USP48: variants seen among roughly 807,000 people sequenced by gnomAD.
The protein encoded by USP48 is ubiquitin carboxyl-terminal hydrolase 48.
In USP48, 43 loss-of-function variants were observed where a neutral mutation model predicts 150.7. That is an observed-to-expected ratio of 0.29 (90% CI 0.22 to 0.37). USP48 has a LOEUF of 0.37. USP48 is among the 10% of genes least tolerant of loss of function. The pLI is 1.00. For synonymous variants in USP48, 396 were observed against 425.9 expected (o/e 0.93, Z 0.86); for missense variants, 813 against 1,249.6 (o/e 0.65, Z 5.27).
At chr1:21,750,080 G>A (rs1275912468) in intron 6 of USP48, among the ~76,000 whole-genome samples, 1 of 152,048 alleles carries the variant, frequency 6.6e-6, no homozygotes, top group Non-Finnish European at 1.5e-5. Context: ...CCACTCCTAC[G>A]CATATGACCC....
chr1:21,682,297 C>A (rs1038137704), intron 25 of USP48, among the ~76,000 whole-genome samples: 5 of 152,246 alleles, frequency 3.3e-5, no homozygotes, highest in Admixed American at 1.3e-4. Flanking sequence ...GGCTTTCCCT[C>A]CTACTTCTAG....
chr1:21,717,373 C>T lies in USP48; in HGVS notation c.1895-1916G>A, dbSNP rs568503394. On this transcript the variant is annotated intron_variant, in intron 14 of 26. Transcript: ENST00000308271. ...GAGTTGCAATTGCGTCACTGCTCTC[C>T]AGCCAGGGTGAAAGAGAGAGATCCT... is the stretch of plus-strand genomic sequence containing the variant. Among the ~76,000 whole-genome samples, 3 of 152,120 alleles carry T rather than the reference C, an allele frequency of 2.0e-5. No homozygotes were observed. The South Asian group carries it at 6.2e-4, about 32-fold the overall frequency.
chr1:21,762,148 T>C (rs2097851456), intron 1 of USP48, among the ~76,000 whole-genome samples: 1 of 151,994 alleles, frequency 6.6e-6, no homozygotes, highest in African/African-American at 2.4e-5. Context: ...GTGCCTATAA[T>C]CCCAGCTACT....
rs1571886658 is a variant in USP48, at chr1:21,729,898, G to A, written c.1172-66C>T. 10 of 1,600,194 alleles carry A rather than the reference G, an allele frequency of 6.2e-6. No homozygotes were observed. The East Asian group carries it at 2.0e-4, about 32-fold the overall frequency. ...TAGAGTTTGTTTATTCTTTAGCGGG[G>A]CTATAGAAAACAATTTCCAAAATAT... On this transcript the variant is annotated intron_variant, in intron 9 of 26. Coordinates refer to ENST00000308271, the MANE Select transcript of USP48 (RefSeq NM_032236.8).
Position 21,690,057 on chromosome 1 carries a change from A to C in USP48, c.2926T>G (p.Ser976Ala). ...FSVAPFDQNL[S>A]IDGKILSDDC... is the part of the protein sequence containing the mutation. Reference sequence around the variant, plus strand: ...TCACTTAAAATCTTTCCATCAATTGACAAATTCTGGTCAAAAGGAGCAACT... The same window carrying C: ...TCACTTAAAATCTTTCCATCAATTGCCAAATTCTGGTCAAAAGGAGCAACT... Residue 976 changes from serine (S) to alanine (A), a missense_variant, in exon 24 of 27, where the codon TCA (serine) becomes GCA (alanine). Coordinates refer to ENST00000308271, the MANE Select transcript of USP48 (RefSeq NM_032236.8). 1 of 1,614,152 alleles carries C rather than the reference A, an allele frequency of 6.2e-7. No homozygotes were observed. The highest frequency in any genetic ancestry group is 8.5e-7 in the Non-Finnish European group (1 of 1,179,998).
chr1:21,719,261 G>A (rs1165469013), intron 14 of USP48, among the ~76,000 whole-genome samples: 2 of 148,722 alleles, frequency 1.3e-5, no homozygotes, highest in Non-Finnish European at 1.5e-5. Flanking sequence ...CAGCCTGGGG[G>A]ACAGAGTGAT....
intron 1 of USP48, among the ~76,000 whole-genome samples, chr1:21,758,386 C>T (rs371279826): frequency 7.9e-4 from 120 of 151,972 alleles, no homozygotes; most frequent in Admixed American, 1.3e-3. Flanking sequence ...TCATTTTGTA[C>T]AAAAAGAAAT....
intron 6 of USP48, among the ~76,000 whole-genome samples, chr1:21,748,487 C>A (rs1423755151): frequency 6.6e-6 from 1 of 152,186 alleles, no homozygotes; most frequent in Non-Finnish European, 1.5e-5. Flanking sequence ...ACTGATGTGC[C>A]TATTTCCCAA....
At chr1:21,765,901 C>CAAAAAA (rs199539331) in intron 1 of USP48, among the ~76,000 whole-genome samples, 1 of 112,152 alleles carries the variant, frequency 8.9e-6, no homozygotes, top group African/African-American at 4.1e-5. Flanking sequence ...ACTCCATCTC[C>CAAAAAA]AAAAAAAAAA....
chr1:21,729,064 C>T lies in USP48; in HGVS notation c.1301-345G>A, dbSNP rs375905515. ...CTTTGGAAGGCTGAGGCGGGTGGAT[C>T]GTGAGGTCAAGAATTCAAGACCAGC... On this transcript the variant is annotated intron_variant, in intron 10 of 26. Coordinates refer to ENST00000308271, the MANE Select transcript of USP48 (RefSeq NM_032236.8). Among the ~76,000 whole-genome samples the T allele has an allele frequency of 3.9e-5, 6 of 152,090 alleles. No individual in the cohort carries two copies. In the East Asian group the frequency reaches 5.8e-4, roughly 15 times the overall value.
At chr1:21,683,563 T>C (rs563908164) in intron 25 of USP48, among the ~76,000 whole-genome samples, 2 of 152,130 alleles carry the variant, frequency 1.3e-5, no homozygotes, top group African/African-American at 4.8e-5. Flanking sequence ...TTTTTAAAAT[T>C]TGTAGTAGAG....
intron 9 of USP48, among the ~76,000 whole-genome samples, chr1:21,732,029 C>T (rs978706782): frequency 6.6e-6 from 1 of 152,094 alleles, no homozygotes; most frequent in Admixed American, 6.6e-5. Flanking sequence ...GGTAACTTTC[C>T]GAGAGGTAAG....
intron 14 of USP48, among the ~76,000 whole-genome samples, chr1:21,717,093 C>A (rs2097706628): frequency 6.6e-6 from 1 of 151,702 alleles, no homozygotes; most frequent in Non-Finnish European, 1.5e-5. Flanking sequence ...CAAAAAATAT[C>A]TACTAATCAT....
chr1:21,700,768 C>T (rs530209648), intron 22 of USP48, among the ~76,000 whole-genome samples: 1 of 152,318 alleles, frequency 6.6e-6, no homozygotes, highest in South Asian at 2.1e-4. Flanking sequence ...CCCACGATTT[C>T]CTGTTCTCAA....
chr1:21,782,895 C>T lies in USP48; in HGVS notation c.63G>A (p.Glu21=), dbSNP rs1557638523. The change falls in exon 1 of 27, where the codon GAG becomes GAA. Residue 21 remains glutamate, a synonymous_variant. Transcript: ENST00000308271. ...AWRWAETVRP[E]EVSQEHIETA... ...TCTCGATGTGCTCCTGCGACACCTC[C>T]TCGGGCCGCACCGTCTCCGCCCAGC... The T allele has an allele frequency of 6.4e-7, 1 of 1,554,616 alleles. No homozygotes were observed.
At position 21,755,569 on chromosome 1, in the gene USP48, T is replaced by TA. The variant is rs112366320; in HGVS notation, c.412+976dup. Among the ~76,000 whole-genome samples, 775 of 151,010 alleles carry TA rather than the reference T, an allele frequency of 5.1e-3. 7 individuals carry two copies. The highest frequency in any genetic ancestry group is 0.017 in the African/African-American group (707 of 41,184). On this transcript the variant is annotated intron_variant, in intron 3 of 26. Transcript: ENST00000308271. ...CTTGTCTCAAAAAACAAACAAACAATAAAAAAAAACCTTTTCTGTTCAAAT... is the reference window on the plus strand; with the variant it reads ...CTTGTCTCAAAAAACAAACAAACAATAAAAAAAAAACCTTTTCTGTTCAAAT...
At chr1:21,774,074 G>A (rs2097890196) in intron 1 of USP48, among the ~76,000 whole-genome samples, 1 of 152,056 alleles carries the variant, frequency 6.6e-6, no homozygotes, top group South Asian at 2.1e-4. Context: ...AGCTACTCGG[G>A]AGGCTGAGGC....
chr1:21,765,330 A>G (rs1193083467), intron 1 of USP48, among the ~76,000 whole-genome samples: 1 of 152,114 alleles, frequency 6.6e-6, no homozygotes, highest in Non-Finnish European at 1.5e-5. Context: ...AACAGGACAG[A>G]CCGGGCGGGG....
chr1:21,679,126 T>A lies in USP48; in HGVS notation c.*291A>T. On this transcript the variant is annotated 3_prime_UTR_variant, in exon 27 of 27. Transcript: ENST00000308271. ...CGACTATAAATCTCATATGTAAACA[T>A]GATTTACTATTACTGCTACTAAACT... is the stretch of plus-strand genomic sequence containing the variant. 1 of 497,262 alleles carries A rather than the reference T, an allele frequency of 2.0e-6. No individual in the cohort carries two copies. The allele number at this position is 497,262 out of a possible 1,614,324, so 30.8% of individuals were successfully genotyped here.
Sources: allele counts gnomAD v4.1 joint callset (sites outside exome capture counted in the v4.1 genomes callset), GRCh38; gene constraint gnomAD v4.1.1; transcripts MANE v1.5; gene names NCBI Gene and HGNC (gene_info 2026-07-23, HGNC 2026-07-21).